Variants in XYLB observed in about 807,000 individuals in gnomAD.
The protein encoded by XYLB is xylulokinase.
XYLB carries 62 observed loss-of-function variants against 78.7 expected under a neutral mutation model. The ratio of observed to expected loss-of-function variants is 0.79; its 90% confidence interval spans 0.64 to 0.97. The LOEUF is 0.97. XYLB is among the 50% of genes least tolerant of loss of function. XYLB has a pLI of 0.00. For missense variants in XYLB, 687 were observed against 676.8 expected, an observed-to-expected ratio of 1.02 and a Z score of -0.17; for synonymous variants, 245 against 247.4, an observed-to-expected ratio of 0.99 and a Z score of 0.09.
the XYLB span, among the ~76,000 whole-genome samples, chr3:38,439,132 G>A: frequency 3.3e-5 from 5 of 152,270 alleles, no homozygotes; most frequent in African/African-American, 1.2e-4. Flanking sequence ...GGACACCCCA[G>A]CTGCTGTTGG....
At chr3:38,404,589 G>T (rs955993228) in intron 18 of XYLB, among the ~76,000 whole-genome samples, 1 of 152,170 alleles carries the variant, frequency 6.6e-6, no homozygotes, top group Non-Finnish European at 1.5e-5. Context: ...GGCCGAGGCG[G>T]ATGGATCACA....
downstream of XYLB, among the ~76,000 whole-genome samples, chr3:38,415,868 C>T (rs1708772566): frequency 6.6e-6 from 1 of 152,052 alleles, no homozygotes. Flanking sequence ...GCTGGGGAGG[C>T]CTCAGGAAAC....
At chr3:38,418,302 T>C (rs1205188380), downstream of XYLB, among the ~76,000 whole-genome samples, 1 of 151,044 alleles carries the variant, frequency 6.6e-6, no homozygotes, top group East Asian at 2.0e-4. Flanking sequence ...CTGACAAAAA[T>C]CAAAGAGTTT....
chr3:38,391,237 CA>C (rs58456727), intron 15 of XYLB, among the ~76,000 whole-genome samples: 138,658 of 149,272 alleles, frequency 0.93, 64,145 homozygotes, highest in East Asian at 1. Context: ...ACAACAACAA[CA>C]AAAAAAAAGA....
At chr3:38,349,294 T>A (rs558607254) in intron 2 of XYLB, among the ~76,000 whole-genome samples, 22 of 152,210 alleles carry the variant, frequency 1.4e-4, no homozygotes, top group African/African-American at 5.1e-4. Context: ...CAGAGCTCCA[T>A]AGGCCATGGT....
intron 2 of XYLB, among the ~76,000 whole-genome samples, chr3:38,358,822 T>C (rs1235574759): frequency 6.6e-6 from 1 of 152,242 alleles, no homozygotes; most frequent in Non-Finnish European, 1.5e-5. Flanking sequence ...GAGTATAATT[T>C]ATGTACAAAA....
At chr3:38,391,606 A>G (rs565116725) in intron 15 of XYLB, among the ~76,000 whole-genome samples, 14 of 151,444 alleles carry the variant, frequency 9.2e-5, no homozygotes, top group South Asian at 2.1e-4. Flanking sequence ...TCCATTTGCT[A>G]TGACCTGACT....
In XYLB at chr3:38,346,898, C is replaced by T; in HGVS notation, c.30C>T (p.Cys10=). The change falls in exon 1 of 19, where the codon TGC becomes TGT. Residue 10 remains cysteine, a synonymous_variant. Transcript: ENST00000207870. MAEHAPRRC[C]LGWDFSTQQV... ...CGGAGCACGCCCCTCGCCGCTGCTG[C>T]CTGGGCTGGGACTTCAGCACGCAGC... is the stretch of plus-strand genomic sequence containing the variant. The T allele has an allele frequency of 6.6e-7, 1 of 1,519,434 alleles. No homozygotes were observed. 94.1% of individuals were successfully genotyped at this position (1,519,434 alleles called of 1,614,324 possible). A position where few individuals can be genotyped will look rare whatever the true frequency, so the allele number is the denominator to read the frequency against.
At chr3:38,357,032 T>A (rs1705693368) in intron 2 of XYLB, 1 of 152,214 alleles carries the variant, frequency 6.6e-6, no homozygotes, top group Admixed American at 6.5e-5. Flanking sequence ...AGGAAAGGCC[T>A]TGTGAGAAGG....
chr3:38,431,840 C>G, the XYLB span, among the ~76,000 whole-genome samples: 1 of 152,298 alleles, frequency 6.6e-6, no homozygotes, highest in Admixed American at 6.5e-5. Context: ...ATAATACCAT[C>G]AGACCTCATG....
At chr3:38,402,549 G>T (rs1240685233) in intron 18 of XYLB, among the ~76,000 whole-genome samples, 1 of 152,208 alleles carries the variant, frequency 6.6e-6, no homozygotes, top group African/African-American at 2.4e-5. Flanking sequence ...ACACTGGAAA[G>T]ATTCAATGTC....
At position 38,366,874 on chromosome 3, in the gene XYLB, G is replaced by GCCTACTCACA; in HGVS notation, c.573+1_573+2insCCTACTCACA. The GCCTACTCACA allele has an allele frequency of 6.2e-7, 1 of 1,604,820 alleles. No individual in the cohort carries two copies. Among genetic ancestry groups the GCCTACTCACA allele is most frequent in the Admixed American group, 1.7e-5 (1 of 59,820 alleles). On this transcript the variant is annotated splice_donor_variant, in intron 7 of 18. Coordinates refer to ENST00000207870, the MANE Select transcript of XYLB (RefSeq NM_005108.4). LOFTEE classifies it high-confidence loss of function. ...CCCCGAGGCCTACTCACATACGGAG[G>GCCTACTCACA]TTGGTTAAATGTTCCTGTTTGATTG...
At chr3:38,399,108 G>C (rs367893980) in intron 17 of XYLB, among the ~76,000 whole-genome samples, 3 of 152,144 alleles carry the variant, frequency 2.0e-5, no homozygotes, top group South Asian at 2.1e-4. Context: ...CTGAGGTTTT[G>C]TTTTGTTTTG....
At chr3:38,399,445 A>G (rs1157152401) in intron 17 of XYLB, among the ~76,000 whole-genome samples, 2 of 134,140 alleles carry the variant, frequency 1.5e-5, no homozygotes, top group African/African-American at 2.5e-5. Flanking sequence ...TACAACCTAA[A>G]TAAATATTTT....
the XYLB span, among the ~76,000 whole-genome samples, chr3:38,447,526 C>G: frequency 7.0e-6 from 1 of 142,866 alleles, no homozygotes; most frequent in African/African-American, 2.7e-5. Context: ...CTATGTTGGT[C>G]CAGGATGGTC....
chr3:38,397,944 G>A (rs1359012768), intron 17 of XYLB, among the ~76,000 whole-genome samples: 2 of 149,278 alleles, frequency 1.3e-5, no homozygotes, highest in African/African-American at 4.9e-5. Context: ...TCAGCCTCCC[G>A]AGTAGGTGGG....
intron 16 of XYLB, 123 bp downstream of exon 16, chr3:38,395,686 T>C (rs984772473): frequency 4.9e-6 from 5 of 1,028,528 alleles, no homozygotes; most frequent in Admixed American, 3.9e-5. Context: ...AGCTCTTAGC[T>C]CACACTCCAG....
chr3:38,447,470 A>ATTTTTTT, the XYLB span, among the ~76,000 whole-genome samples: 1 of 124,946 alleles, frequency 8.0e-6, no homozygotes, highest in African/African-American at 3.5e-5. Flanking sequence ...CATCTGGCTA[A>ATTTTTTT]TTTTTTTTTT....
chr3:38,374,549 A>G, intron 11 of XYLB, 47 bp downstream of exon 11: 7 of 1,612,154 alleles, frequency 4.3e-6, no homozygotes, highest in African/African-American at 2.7e-5. Flanking sequence ...TTCCACACTC[A>G]CACCCACACT....
Sources: gnomAD v4.1 joint callset for allele counts (sites outside exome capture counted in the v4.1 genomes callset) on GRCh38, gnomAD v4.1.1 for gene constraint, MANE v1.5 for transcripts, NCBI Gene and HGNC (gene_info 2026-07-23, HGNC 2026-07-21) for gene names.